KCNQ1: variants seen among roughly 807,000 people sequenced by gnomAD.
The protein encoded by KCNQ1 is potassium voltage-gated channel subfamily KQT member 1.
Under a neutral mutation model 72.4 loss-of-function variants are expected in KCNQ1, and 49 were observed. The observed-to-expected ratio is 0.68, with a 90% CI of 0.54 to 0.86. The LOEUF is 0.86. KCNQ1 is among the 40% of genes least tolerant of loss of function. The probability of loss-of-function intolerance (pLI) is 0.00; values close to 1 mark genes in which losing one functional copy is unlikely to be tolerated. For synonymous variants in KCNQ1, 450 were observed against 412.6 expected (o/e 1.09, Z -1.10); for missense variants, 790 against 945.1 (o/e 0.84, Z 2.15).
At chr11:2,490,570 T>G (rs1080017) in intron 1 of KCNQ1, among the ~76,000 whole-genome samples, 1 of 152,090 alleles carries the variant, frequency 6.6e-6, no homozygotes, top group African/African-American at 2.4e-5. Context: ...TCAGGTGGCT[T>G]AGCATAGAGA....
chr11:2,561,501 G>A (rs1848166598), intron 2 of KCNQ1, among the ~76,000 whole-genome samples: 1 of 152,220 alleles, frequency 6.6e-6, no homozygotes, highest in African/African-American at 2.4e-5. Flanking sequence ...CCAGGCCACT[G>A]TTGTCATTTC....
At chr11:2,561,495 GC>G (rs1848166481) in intron 2 of KCNQ1, among the ~76,000 whole-genome samples, 1 of 152,208 alleles carries the variant, frequency 6.6e-6, no homozygotes, top group South Asian at 2.1e-4. Flanking sequence ...ACAGGCCCAG[GC>G]CACTGTTGTC....
chr11:2,698,819 T>C lies in KCNQ1; in HGVS notation c.1514+36738T>C. 2.5e-6 allele frequency: 1 copy of C among 398,774 alleles called. No homozygotes were observed. The highest frequency in any genetic ancestry group is 3.6e-5 in the East Asian group (1 of 28,060). 24.7% of individuals were successfully genotyped at this position (398,774 alleles called of 1,614,324 possible). On this transcript the variant is annotated intron_variant, in intron 11 of 15. Transcript: ENST00000155840. The surrounding 1 kb of genome is among the most constrained non-coding windows in gnomAD (Gnocchi z 5.1). ...CAGACTCCCGATCCTCTGTCCCTAA[T>C]GAGGCCCTACCTAAAACCACCATGC...
In KCNQ1 at chr11:2,722,605, G is replaced by A. The variant is rs191441579; in HGVS notation, c.1515-46239G>A. ...TGGCAGTGGGGTTTGGCCACATGGA[G>A]GTCCTAGGGGAGCTGATGAGAGCGA... On this transcript the variant is annotated intron_variant, in intron 11 of 15. Transcript: ENST00000155840. Among the ~76,000 whole-genome samples the A allele has an allele frequency of 1.1e-3, 162 of 152,302 alleles. 1 individual carries two copies. Among genetic ancestry groups the A allele is most frequent in the African/African-American group, 3.8e-3 (160 of 41,564 alleles).
At chr11:2,517,697 C>A (rs71473707) in intron 1 of KCNQ1, among the ~76,000 whole-genome samples, 3,849 of 152,290 alleles carry the variant, frequency 0.025, 67 homozygotes, top group Non-Finnish European at 0.043. Flanking sequence ...GGAAGAGGGA[C>A]CGGTTTGGCC....
At chr11:2,533,185 A>T (rs1247944381) in intron 2 of KCNQ1, among the ~76,000 whole-genome samples, 1 of 152,236 alleles carries the variant, frequency 6.6e-6, no homozygotes, top group Non-Finnish European at 1.5e-5. Context: ...TCGTACGCCC[A>T]GCTTTGCAGT....
intron 11 of KCNQ1, among the ~76,000 whole-genome samples, chr11:2,733,849 C>CTT (rs1554914266): frequency 2.0e-4 from 7 of 35,194 alleles, no homozygotes; most frequent in African/African-American, 5.1e-4. Context: ...CTCTCTCTCT[C>CTT]TCTCTCTCCC....
At chr11:2,778,784 A>C (rs1350094688) in intron 15 of KCNQ1, among the ~76,000 whole-genome samples, 7 of 152,124 alleles carry the variant, frequency 4.6e-5, no homozygotes, top group Non-Finnish European at 1.0e-4. Context: ...AAAATAGAGG[A>C]GTTTCAGTTG....
At chr11:2,631,029 C>T (rs1332365697) in intron 10 of KCNQ1, 1 of 398,332 alleles carries the variant, frequency 2.5e-6, no homozygotes. Flanking sequence ...CCATTTTTTA[C>T]ATTTTGATGG....
intron 12 of KCNQ1, 32 bp from the exon 13 acceptor site, chr11:2,775,928 G>A (rs762429060): frequency 2.6e-6 from 4 of 1,548,088 alleles, no homozygotes; most frequent in East Asian, 4.9e-5. Flanking sequence ...GGCACAGGGA[G>A]GAGAAGTGAT....
Position 2,690,499 on chromosome 11 carries a change from G to C in KCNQ1, c.1514+28418G>C, listed in dbSNP as rs1030798640. 5.0e-5 allele frequency: 20 copies of C among 398,452 alleles called. No individual in the cohort carries two copies. The highest frequency in any genetic ancestry group is 1.3e-5 in the Non-Finnish European group (3 of 226,082). 24.7% of individuals were successfully genotyped at this position (398,452 alleles called of 1,614,324 possible). A position where few individuals can be genotyped will look rare whatever the true frequency, so the allele number is the denominator to read the frequency against. ...AACAGCCACTGGGCCCAGTCGGGGG[G>C]GTCTCAGCACCTATCACAAAGAAAG... On this transcript the variant is annotated intron_variant, in intron 11 of 15. Transcript: ENST00000155840. This position sits in a 1 kb window ranked among gnomAD's most constrained non-coding sequence, Gnocchi z 5.1.
At position 2,669,295 on chromosome 11, in the gene KCNQ1, T is replaced by C. The variant is rs577153152; in HGVS notation, c.1514+7214T>C. ...GTCTTTGCAGGGTTTCTCCTCACCA[T>C]ACATATGCCAGTTGCCATGGAAAGC... On this transcript the variant is annotated intron_variant, in intron 11 of 15. Transcript: ENST00000155840. The surrounding 1 kb of genome is among the most constrained non-coding windows in gnomAD (Gnocchi z 5.6). 4 of 398,558 alleles carry C rather than the reference T, an allele frequency of 1.0e-5. No homozygotes were observed. Among genetic ancestry groups the C allele is most frequent in the African/African-American group, 2.1e-5 (1 of 48,638 alleles). The allele number at this position is 398,558 out of a possible 1,614,324, so 24.7% of individuals were successfully genotyped here. A position where few individuals can be genotyped will look rare whatever the true frequency, so the allele number is the denominator to read the frequency against.
intron 11 of KCNQ1, chr11:2,688,232 C>T (rs1481831070): frequency 5.0e-6 from 2 of 398,624 alleles, no homozygotes; most frequent in African/African-American, 2.1e-5. Flanking sequence ...TGTAGCCACT[C>T]ATACAGGGCT....
In KCNQ1 at chr11:2,588,335, C is replaced by T. The variant is rs538419501; in HGVS notation, c.1252-378C>T. Among the ~76,000 whole-genome samples, 1 of 152,276 alleles carries T rather than the reference C, an allele frequency of 6.6e-6. No homozygotes were observed. The highest frequency in any genetic ancestry group is 1.9e-4 in the East Asian group (1 of 5,184). On this transcript the variant is annotated intron_variant, in intron 9 of 15. Transcript: ENST00000155840. This position sits in a 1 kb window ranked among gnomAD's most constrained non-coding sequence, Gnocchi z 5.6. ...TTCCCCCAGATTTCCACACAGCCTG[C>T]TCCCTCACTTCAGGCGCCCTCTTCA...
At chr11:2,514,466 C>A (rs1345506666) in intron 1 of KCNQ1, among the ~76,000 whole-genome samples, 2 of 152,220 alleles carry the variant, frequency 1.3e-5, no homozygotes, top group African/African-American at 2.4e-5. Context: ...TCCAGGGACA[C>A]CCAGTGTTCT....
chr11:2,541,042 GAC>G lies in KCNQ1; in HGVS notation c.477+13029_477+13030del, dbSNP rs1434601277. 6.6e-6 allele frequency among the ~76,000 whole-genome samples: 1 copy of G among 152,214 alleles called. No individual in the cohort carries two copies. The highest frequency in any genetic ancestry group is 2.4e-5 in the African/African-American group (1 of 41,462). Reference sequence around the variant, plus strand: ...GTATGCACACATAGGTACCCATGTGGACACACTCACGTGTGTGTGCACGTTCA... The same window carrying G: ...GTATGCACACATAGGTACCCATGTGGACACTCACGTGTGTGTGCACGTTCA... On this transcript the variant is annotated intron_variant, in intron 2 of 15. Coordinates refer to ENST00000155840, the MANE Select transcript of KCNQ1 (RefSeq NM_000218.3). This position sits in a 1 kb window ranked among gnomAD's most constrained non-coding sequence, Gnocchi z 4.8.
intron 15 of KCNQ1, among the ~76,000 whole-genome samples, chr11:2,811,955 G>T (rs59497747): frequency 9.8e-4 from 150 of 152,304 alleles, no homozygotes; most frequent in Non-Finnish European, 1.3e-3. Flanking sequence ...CTCAGGCCCT[G>T]CCCCAGGCAG....
chr11:2,739,891 G>A (rs183586389), intron 11 of KCNQ1, among the ~76,000 whole-genome samples: 104 of 152,344 alleles, frequency 6.8e-4, no homozygotes, highest in Non-Finnish European at 1.2e-3. Context: ...CCTATGGGTC[G>A]GGACAGAGGC....
rs954012787 is a variant in KCNQ1 at position 2,669,331 on chromosome 11, C to T, written c.1514+7250C>T. On this transcript the variant is annotated intron_variant, in intron 11 of 15. Transcript: ENST00000155840. The surrounding 1 kb of genome is among the most constrained non-coding windows in gnomAD (Gnocchi z 5.6). ...GTTGCCATGGAAAGCCTCCTCTAGG[C>T]GCAGCAGCCTCTAGATGGGCATGGG... 7.5e-5 allele frequency: 30 copies of T among 398,522 alleles called. No individual in the cohort carries two copies. Among genetic ancestry groups the T allele is most frequent in the African/African-American group, 1.2e-4 (6 of 48,622 alleles). 24.7% of individuals were successfully genotyped at this position (398,522 alleles called of 1,614,324 possible). A position where few individuals can be genotyped will look rare whatever the true frequency, so the allele number is the denominator to read the frequency against.
Sources: gnomAD v4.1 joint callset for allele counts (sites outside exome capture counted in the v4.1 genomes callset) on GRCh38, gnomAD v4.1.1 for gene constraint, Gnocchi (gnomAD v3.1) non-coding constraint, MANE v1.5 for transcripts, NCBI Gene and HGNC (gene_info 2026-07-23, HGNC 2026-07-21) for gene names.